Variants in NIPAL2 observed in about 807,000 individuals in gnomAD.
NIPAL2 encodes the protein NIPA like domain containing 2.
A neutral mutation model predicts 48.9 loss-of-function variants in NIPAL2; 43 were observed. The ratio of observed to expected loss-of-function variants is 0.88; its 90% CI spans 0.69 to 1.13. NIPAL2 has a LOEUF of 1.13. Among genes scored for constraint, NIPAL2 ranks in the 50% most tolerant of loss-of-function variants. The pLI, the probability that NIPAL2 is intolerant of heterozygous loss-of-function variation, is 0.00. For missense variants in NIPAL2, 446 were observed against 461.4 expected, an observed-to-expected ratio of 0.97 and a Z score of 0.31; for synonymous variants, 167 against 174.6, an observed-to-expected ratio of 0.96 and a Z score of 0.34.
intron 1 of NIPAL2, among the ~76,000 whole-genome samples, chr8:98,282,795 C>T (rs1370780891): frequency 6.6e-6 from 1 of 152,198 alleles, no homozygotes; most frequent in East Asian, 1.9e-4. Context: ...CACTAATCTC[C>T]TTTGTTCTTG....
intron 3 of NIPAL2, among the ~76,000 whole-genome samples, chr8:98,245,711 T>TA (rs1813275874): frequency 6.6e-6 from 1 of 152,236 alleles, no homozygotes; most frequent in African/African-American, 2.4e-5. Context: ...GCAGCCTCTC[T>TA]AGAAATACTC....
chr8:98,248,196 G>A (rs765490718), intron 3 of NIPAL2, among the ~76,000 whole-genome samples: 1 of 152,170 alleles, frequency 6.6e-6, no homozygotes, highest in Non-Finnish European at 1.5e-5. Flanking sequence ...AAAATGAGCT[G>A]TGAGGATCCT....
In NIPAL2 at chr8:98,294,046, G is replaced by A. The variant is rs1816636839; in HGVS notation, c.92C>T (p.Ala31Val). Residue 31 changes from alanine (A) to valine (V), a missense_variant, in exon 1 of 11, where the codon GCC (alanine) becomes GTC (valine). Physicochemically the swap from Ala to Val is moderately conservative, Grantham distance 64. Coordinates refer to ENST00000430223, the MANE Select transcript of NIPAL2 (RefSeq NM_001321635.2). ...GTCGCCCGAGAGGGAGCCGTTGCCGGCGCCTGGTGCCCCGTACGTGAAATT... is the reference window on the plus strand; with the variant it reads ...GTCGCCCGAGAGGGAGCCGTTGCCGACGCCTGGTGCCCCGTACGTGAAATT... Reference protein sequence around the residue: ...SLNFTYGAPGAGNGSLSGDWY... With the variant: ...SLNFTYGAPGVGNGSLSGDWY... The A allele has an allele frequency of 6.7e-7, 1 of 1,498,840 alleles. No individual in the cohort carries two copies. Among genetic ancestry groups the A allele is most frequent in the East Asian group, 2.9e-5 (1 of 33,980 alleles). The allele number at this position is 1,498,840 out of a possible 1,614,324, so 92.8% of individuals were successfully genotyped here. A position where few individuals can be genotyped will look rare whatever the true frequency, so the allele number is the denominator to read the frequency against.
chr8:98,290,691 CA>C (rs1276063321), intron 1 of NIPAL2, among the ~76,000 whole-genome samples: 3 of 152,184 alleles, frequency 2.0e-5, no homozygotes, highest in Non-Finnish European at 4.4e-5. Context: ...TTTGAAATTT[CA>C]CATGGACCGC....
intron 1 of NIPAL2, among the ~76,000 whole-genome samples, chr8:98,256,334 CTT>C (rs1813890354): frequency 1.3e-5 from 2 of 152,102 alleles, no homozygotes; most frequent in African/African-American, 4.8e-5. Context: ...AGATTAACAA[CTT>C]TTTGCATCAA....
intron 4 of NIPAL2, among the ~76,000 whole-genome samples, chr8:98,223,171 G>T (rs759263662): frequency 1.3e-5 from 2 of 152,190 alleles, no homozygotes; most frequent in East Asian, 1.9e-4. Context: ...AATAACAAAG[G>T]TGAATGCTGG....
intron 1 of NIPAL2, among the ~76,000 whole-genome samples, chr8:98,255,570 G>A (rs898751285): frequency 6.6e-6 from 1 of 152,152 alleles, no homozygotes; most frequent in Non-Finnish European, 1.5e-5. Flanking sequence ...TTTAAATGAA[G>A]TAAAAAGTGG....
At chr8:98,223,718 A>G (rs1812014213) in intron 4 of NIPAL2, among the ~76,000 whole-genome samples, 1 of 152,232 alleles carries the variant, frequency 6.6e-6, no homozygotes, top group Non-Finnish European at 1.5e-5. Context: ...AATTCAGGGT[A>G]TCGTAGAGCT....
chr8:98,198,913 A>C (rs1203383611), intron 8 of NIPAL2, among the ~76,000 whole-genome samples: 1 of 151,190 alleles, frequency 6.6e-6, no homozygotes. Context: ...CTGGAGTAGC[A>C]TGTTAAATTT....
intron 5 of NIPAL2, 131 bp from the exon 6 acceptor site, chr8:98,212,632 C>T: frequency 1.7e-6 from 1 of 573,058 alleles, no homozygotes; most frequent in Non-Finnish European, 3.1e-6. Flanking sequence ...AGGGATGACA[C>T]AGGAGAGCAG....
In NIPAL2 at chr8:98,252,232, T is replaced by C. The variant is rs976540510; in HGVS notation, c.376+231A>G. ...CCGTTAATTTATTAAGACTCAGGCATCAGGCTTTCACACATAGGTGTTAGA... is the reference window on the plus strand; with the variant it reads ...CCGTTAATTTATTAAGACTCAGGCACCAGGCTTTCACACATAGGTGTTAGA... On this transcript the variant is annotated intron_variant, in intron 3 of 10. Coordinates refer to ENST00000430223, the MANE Select transcript of NIPAL2 (RefSeq NM_001321635.2). 7.3e-5 allele frequency: 32 copies of C among 436,460 alleles called. No individual in the cohort carries two copies. In the Middle Eastern group the frequency reaches 2.2e-3, roughly 31 times the overall value. 27.0% of individuals were successfully genotyped at this position (436,460 alleles called of 1,614,324 possible). A position where few individuals can be genotyped will look rare whatever the true frequency, so the allele number is the denominator to read the frequency against.
intron 6 of NIPAL2, among the ~76,000 whole-genome samples, chr8:98,210,016 A>C (rs1332476322): frequency 6.6e-6 from 1 of 152,024 alleles, no homozygotes; most frequent in South Asian, 2.1e-4. Flanking sequence ...TATCATTTCT[A>C]TTTTGGGGTA....
chr8:98,290,345 C>T (rs1816427097), intron 1 of NIPAL2, among the ~76,000 whole-genome samples: 1 of 152,200 alleles, frequency 6.6e-6, no homozygotes, highest in South Asian at 2.1e-4. Context: ...CCTGAAGTTT[C>T]ATCTCACCCT....
chr8:98,241,904 C>T lies in NIPAL2; in HGVS notation c.377-5690G>A, dbSNP rs115327341. Among the ~76,000 whole-genome samples the T allele has an allele frequency of 6.8e-3, 1,037 of 152,138 alleles. 13 individuals are homozygous for T. Among genetic ancestry groups the T allele is most frequent in the African/African-American group, 0.021 (882 of 41,482 alleles). On this transcript the variant is annotated intron_variant, in intron 3 of 10. Coordinates refer to ENST00000430223, the MANE Select transcript of NIPAL2 (RefSeq NM_001321635.2). Reference sequence around the variant, plus strand: ...CATTTTACAGATAAAAAAGCTGAGGCTTGGAGAGTTTAAGTTTATTACACA... The same window carrying T: ...CATTTTACAGATAAAAAAGCTGAGGTTTGGAGAGTTTAAGTTTATTACACA...
At chr8:98,273,671 AG>A (rs1182146381) in intron 1 of NIPAL2, among the ~76,000 whole-genome samples, 1 of 152,082 alleles carries the variant, frequency 6.6e-6, no homozygotes, top group African/African-American at 2.4e-5. Context: ...TAATTTTCTG[AG>A]GTTGATATAT....
intron 6 of NIPAL2, among the ~76,000 whole-genome samples, chr8:98,205,526 C>T (rs1810989502): frequency 6.6e-6 from 1 of 151,150 alleles, no homozygotes; most frequent in Admixed American, 6.6e-5. Context: ...CCATCCCTAA[C>T]TGTTGAAAGA....
At chr8:98,267,226 T>A (rs1207729540) in intron 1 of NIPAL2, among the ~76,000 whole-genome samples, 1 of 152,232 alleles carries the variant, frequency 6.6e-6, no homozygotes, top group Non-Finnish European at 1.5e-5. Flanking sequence ...TTTTTAATGC[T>A]GTAGAACCAG....
At chr8:98,281,922 A>G (rs1221999912) in intron 1 of NIPAL2, among the ~76,000 whole-genome samples, 1 of 152,360 alleles carries the variant, frequency 6.6e-6, no homozygotes, top group Non-Finnish European at 1.5e-5. Context: ...GAAATCAAAG[A>G]GTCAGGAGGA....
chr8:98,212,564 T>G, intron 5 of NIPAL2, 63 bp from the exon 6 acceptor site: 1 of 836,954 alleles, frequency 1.2e-6, no homozygotes, highest in South Asian at 1.5e-5. Flanking sequence ...AATGTCACAC[T>G]TCTCATTTTG....
Sources: gnomAD v4.1 joint callset for allele counts (sites outside exome capture counted in the v4.1 genomes callset) on GRCh38, gnomAD v4.1.1 for gene constraint, MANE v1.5 for transcripts, NCBI Gene and HGNC (gene_info 2026-07-23, HGNC 2026-07-21) for gene names.